The following LGSN variants were observed in gnomAD, a reference collection of about 807,000 sequenced individuals.
LGSN encodes lengsin.
A neutral mutation model predicts 19.5 loss-of-function variants in LGSN; 21 were observed. The ratio of observed to expected loss-of-function variants is 1.07; its 90% confidence interval spans 0.76 to 1.55. The LOEUF is 1.55. Ranked by LOEUF, LGSN falls within the 40% of genes most tolerant of loss-of-function variation. The pLI is 0.00. For missense variants in LGSN, 673 were observed against 608.5 expected, an observed-to-expected ratio of 1.11 and a Z score of -1.12; for synonymous variants, 257 against 215.6, an observed-to-expected ratio of 1.19 and a Z score of -1.68.
chr6:63,482,320 A>G, the LGSN span, among the ~76,000 whole-genome samples: 1 of 152,224 alleles, frequency 6.6e-6, no homozygotes, highest in African/African-American at 2.4e-5. Context: ...ATATTTATTG[A>G]ATAAGTAAAT....
At chr6:63,483,804 TTTTTTCTTTTC>T in the LGSN span, among the ~76,000 whole-genome samples, 5 of 152,032 alleles carry the variant, frequency 3.3e-5, no homozygotes, top group East Asian at 1.9e-4. Context: ...CTTTTTTCCT[TTTTTTCTTTTC>T]TTTTTCTTTT....
At chr6:63,544,633 T>C in the LGSN span, among the ~76,000 whole-genome samples, 3 of 152,164 alleles carry the variant, frequency 2.0e-5, no homozygotes, top group East Asian at 5.8e-4. Context: ...TCAGTTATTA[T>C]TTATCTTCTA....
At chr6:63,313,195 A>G (rs1414355400) in intron 1 of LGSN, among the ~76,000 whole-genome samples, 2 of 152,218 alleles carry the variant, frequency 1.3e-5, no homozygotes, top group Non-Finnish European at 2.9e-5. Flanking sequence ...ATGAGTAAAC[A>G]TAAAAAGGAA....
At chr6:63,336,549 G>T in the LGSN span, among the ~76,000 whole-genome samples, 2 of 139,984 alleles carry the variant, frequency 1.4e-5, no homozygotes, top group Admixed American at 1.5e-4. Flanking sequence ...GTGTGTGTGT[G>T]TGTGTGTGTG....
chr6:63,434,951 A>G, the LGSN span, among the ~76,000 whole-genome samples: 1 of 152,242 alleles, frequency 6.6e-6, no homozygotes, highest in South Asian at 2.1e-4. Context: ...TCTTTGCCAA[A>G]GAAACTTTTC....
the LGSN span, among the ~76,000 whole-genome samples, chr6:63,402,310 A>G: frequency 6.6e-6 from 1 of 152,222 alleles, no homozygotes; most frequent in African/African-American, 2.4e-5. Flanking sequence ...GGTTCATCCC[A>G]TGTTGCTTTC....
chr6:63,405,368 G>A, the LGSN span, among the ~76,000 whole-genome samples: 1 of 152,164 alleles, frequency 6.6e-6, no homozygotes, highest in Non-Finnish European at 1.5e-5. Context: ...CTAGATCCCT[G>A]AGGAATTGCC....
At chr6:63,480,958 T>C in the LGSN span, among the ~76,000 whole-genome samples, 5 of 34,276 alleles carry the variant, frequency 1.5e-4, no homozygotes, top group Non-Finnish European at 2.6e-4. Context: ...TATATATATA[T>C]ATATATATAT....
chr6:63,377,895 CAG>C, the LGSN span, among the ~76,000 whole-genome samples: 1 of 111,368 alleles, frequency 9.0e-6, no homozygotes, highest in Non-Finnish European at 1.7e-5. Flanking sequence ...GCCTGGGCGA[CAG>C]AGAGAGACTC....
At chr6:63,443,614 T>G in the LGSN span, 3 of 1,035,416 alleles carry the variant, frequency 2.9e-6, no homozygotes, top group Non-Finnish European at 3.6e-6. Context: ...CCTCCCAGCC[T>G]TGGAGCTTGG....
At chr6:63,390,452 T>C in the LGSN span, among the ~76,000 whole-genome samples, 1 of 151,810 alleles carries the variant, frequency 6.6e-6, no homozygotes, top group Non-Finnish European at 1.5e-5. Flanking sequence ...TTTGATCAAC[T>C]ATTATTTTCT....
the LGSN span, among the ~76,000 whole-genome samples, chr6:63,554,834 G>A: frequency 9.2e-5 from 14 of 152,202 alleles, 1 homozygote; most frequent in South Asian, 2.7e-3. Flanking sequence ...GTTTACATAT[G>A]GGTCACTTTT....
chr6:63,432,101 GAAA>G, the LGSN span, among the ~76,000 whole-genome samples: 2 of 48,172 alleles, frequency 4.2e-5, no homozygotes, highest in Non-Finnish European at 8.2e-5. Flanking sequence ...AAGAAAGAAA[GAAA>G]GAAAGAAAGA....
chr6:63,447,684 T>G, the LGSN span, among the ~76,000 whole-genome samples: 1 of 152,170 alleles, frequency 6.6e-6, no homozygotes, highest in Non-Finnish European at 1.5e-5. Flanking sequence ...AATATTCTTG[T>G]CACAATCTTG....
the LGSN span, among the ~76,000 whole-genome samples, chr6:63,383,900 C>T: frequency 6.6e-6 from 1 of 152,104 alleles, no homozygotes; most frequent in African/African-American, 2.4e-5. Flanking sequence ...ATTGAGCCAC[C>T]CTTTCAAACT....
chr6:63,568,601 GA>G, the LGSN span, among the ~76,000 whole-genome samples: 1 of 151,412 alleles, frequency 6.6e-6, no homozygotes, highest in African/African-American at 2.4e-5. Context: ...CATGCTATTG[GA>G]AAAATGGCTC....
At chr6:63,479,090 A>C in the LGSN span, among the ~76,000 whole-genome samples, 1 of 152,226 alleles carries the variant, frequency 6.6e-6, no homozygotes, top group South Asian at 2.1e-4. Context: ...TCCATTTCTG[A>C]CAGAGAAATG....
the LGSN span, among the ~76,000 whole-genome samples, chr6:63,393,628 C>T: frequency 6.6e-6 from 1 of 152,154 alleles, no homozygotes; most frequent in African/African-American, 2.4e-5. Flanking sequence ...TTTGTGAGCC[C>T]TATGTAAATC....
chr6:63,357,402 T>C, the LGSN span, among the ~76,000 whole-genome samples: 4 of 152,182 alleles, frequency 2.6e-5, no homozygotes, highest in Admixed American at 1.3e-4. Flanking sequence ...CCTGAAGAAT[T>C]GCCACACTGA....
Sources: allele counts gnomAD v4.1 joint callset (sites outside exome capture counted in the v4.1 genomes callset), GRCh38; gene constraint gnomAD v4.1.1; transcripts MANE v1.5; gene names NCBI Gene and HGNC (gene_info 2026-07-23, HGNC 2026-07-21).